Variants in SPTBN1 observed in about 807,000 individuals in gnomAD.
SPTBN1 encodes the protein spectrin beta, non-erythrocytic 1.
A neutral mutation model predicts 266.4 loss-of-function variants in SPTBN1; 32 were observed. The observed-to-expected ratio is 0.12, with a 90% CI of 0.09 to 0.16. The LOEUF (loss-of-function observed/expected upper bound fraction) is 0.16. SPTBN1 is among the 10% of genes least tolerant of loss of function. SPTBN1 has a pLI of 1.00. For synonymous variants in SPTBN1, 1,336 were observed against 1,162.2 expected (o/e 1.15, Z -3.04); for missense variants, 2,296 against 3,067.1 (o/e 0.75, Z 5.94).
At chr2:54,528,582 T>C (rs1452915448) in intron 2 of SPTBN1, 3 of 152,238 alleles carry the variant, frequency 2.0e-5, no homozygotes, top group Non-Finnish European at 4.4e-5. Context: ...CTACATTGTA[T>C]AGATGATAAA....
chr2:54,497,428 A>T (rs1669026927), intron 1 of SPTBN1, among the ~76,000 whole-genome samples: 1 of 151,802 alleles, frequency 6.6e-6, no homozygotes. Context: ...TTTGAGACTC[A>T]CTCTAACCAC....
intron 27 of SPTBN1, 80 bp from the exon 28 acceptor site, chr2:54,654,990 A>G (rs945763997): frequency 2.1e-5 from 32 of 1,493,078 alleles, no homozygotes; most frequent in Non-Finnish European, 1.9e-5. Context: ...GTTTCTTTCA[A>G]ATTAATTGTG....
At chr2:54,457,513 G>A (rs1693120460) in intron 1 of SPTBN1, among the ~76,000 whole-genome samples, 1 of 152,232 alleles carries the variant, frequency 6.6e-6, no homozygotes, top group South Asian at 2.1e-4. Flanking sequence ...GTGCGTGTGG[G>A]GGTGCTTCGG....
chr2:54,592,585 A>T (rs950981741), intron 2 of SPTBN1, among the ~76,000 whole-genome samples: 5 of 152,152 alleles, frequency 3.3e-5, no homozygotes, highest in African/African-American at 1.2e-4. Context: ...GGGTTTCTCC[A>T]TGTTAGTCAG....
intron 2 of SPTBN1, among the ~76,000 whole-genome samples, chr2:54,585,857 A>G (rs1338243875): frequency 6.6e-6 from 1 of 152,234 alleles, no homozygotes; most frequent in Non-Finnish European, 1.5e-5. Context: ...TCTGCCTGGA[A>G]TAATTTTTCA....
chr2:54,615,458 C>T (rs377303980), intron 4 of SPTBN1, among the ~76,000 whole-genome samples: 4 of 152,226 alleles, frequency 2.6e-5, no homozygotes, highest in African/African-American at 4.8e-5. Flanking sequence ...TCTAAAATTA[C>T]GTAGCTGGCA....
intron 4 of SPTBN1, 143 bp downstream of exon 4, chr2:54,612,477 G>C: frequency 2.1e-6 from 2 of 971,482 alleles, no homozygotes; most frequent in Non-Finnish European, 2.9e-6. Context: ...GTCATATCCA[G>C]CCCTCAGAAT....
Position 54,608,241 on chromosome 2 carries a change from G to A in SPTBN1, c.301-3920G>A, listed in dbSNP as rs191788482. Among the ~76,000 whole-genome samples the A allele has an allele frequency of 6.6e-4, 101 of 152,292 alleles. 1 individual carries two copies. The highest frequency in any genetic ancestry group is 2.0e-3 in the African/African-American group (82 of 41,548). On this transcript the variant is annotated intron_variant, in intron 3 of 35. Coordinates refer to ENST00000356805, the MANE Select transcript of SPTBN1 (RefSeq NM_003128.3). ...AGCCTCATCCTTGCTCTTAGGAAGC[G>A]AACAGTCTAGTTGGAAGTAATAAGA...
intron 2 of SPTBN1, among the ~76,000 whole-genome samples, chr2:54,570,837 G>A (rs150570362): frequency 9.9e-5 from 15 of 152,130 alleles, no homozygotes; most frequent in African/African-American, 2.2e-4. Flanking sequence ...AAAGTTTACC[G>A]TGTCTTTGAA....
chr2:54,646,277 C>T lies in SPTBN1; in HGVS notation c.4668C>T (p.Ser1556=). ...ERSQNIVTDS[S]SLSAEAIRQR... is the part of the protein sequence containing the mutation. ...GCCAAAACATCGTCACTGACAGCAGCAGCCTCAGCGCTGAGGCCATCAGAC... is the reference window on the plus strand; with the variant it reads ...GCCAAAACATCGTCACTGACAGCAGTAGCCTCAGCGCTGAGGCCATCAGAC... The change falls in exon 23 of 36, where the codon AGC becomes AGT. Residue 1556 remains serine, a synonymous_variant. Coordinates refer to ENST00000356805, the MANE Select transcript of SPTBN1 (RefSeq NM_003128.3). This position sits in a 1 kb window ranked among gnomAD's most constrained non-coding sequence, Gnocchi z 4.4. 6.2e-7 allele frequency: 1 copy of T among 1,614,216 alleles called. No individual in the cohort carries two copies. Among genetic ancestry groups the T allele is most frequent in the Non-Finnish European group, 8.5e-7 (1 of 1,180,032 alleles).
At chr2:54,513,031 A>G (rs1360401804) in intron 1 of SPTBN1, among the ~76,000 whole-genome samples, 1 of 152,178 alleles carries the variant, frequency 6.6e-6, no homozygotes, top group Non-Finnish European at 1.5e-5. Flanking sequence ...GGCTCTACAG[A>G]AGATACAAAA....
At chr2:54,467,673 C>T (rs1258914712) in intron 1 of SPTBN1, among the ~76,000 whole-genome samples, 1 of 152,148 alleles carries the variant, frequency 6.6e-6, no homozygotes, top group East Asian at 1.9e-4. Flanking sequence ...GCGTGAGCCA[C>T]CGCGCCTGGC....
intron 1 of SPTBN1, among the ~76,000 whole-genome samples, chr2:54,497,974 C>G (rs559413325): frequency 2.4e-4 from 37 of 152,258 alleles, no homozygotes; most frequent in South Asian, 8.3e-4. Context: ...AGGAAAAAAA[C>G]AAGCCCTCCA....
In SPTBN1 at chr2:54,668,477, A is replaced by C. The variant is rs1294918151; in HGVS notation, c.7003A>C (p.Thr2335Pro). 1 of 1,614,206 alleles carries C rather than the reference A, an allele frequency of 6.2e-7. No homozygotes were observed. Among genetic ancestry groups the C allele is most frequent in the African/African-American group, 1.3e-5 (1 of 75,046 alleles). Residue 2335 changes from threonine to proline, a missense_variant, in exon 36 of 36, where the codon ACC becomes CCC. Thr to Pro is a conservative substitution (Grantham distance 38, BLOSUM62 -1). Coordinates refer to ENST00000356805, the MANE Select transcript of SPTBN1 (RefSeq NM_003128.3). ...GCAGACCCTCCCCACCAGCGTCGTC[A>C]CCATCACCAGCGAGTCCAGTCCCGG... Reference protein sequence around the residue: ...RAQTLPTSVVTITSESSPGKR... With the variant: ...RAQTLPTSVVPITSESSPGKR...
Position 54,613,038 on chromosome 2 carries a change from C to T in SPTBN1, c.474+704C>T, listed in dbSNP as rs990434952. On this transcript the variant is annotated intron_variant, in intron 4 of 35. Coordinates refer to ENST00000356805, the MANE Select transcript of SPTBN1 (RefSeq NM_003128.3). ...AAATTTGAAACCTTGCCTCTGATGACACAGCCAGCCAGGGCTATAGTGGGT... is the reference window on the plus strand; with the variant it reads ...AAATTTGAAACCTTGCCTCTGATGATACAGCCAGCCAGGGCTATAGTGGGT... 2.0e-5 allele frequency among the ~76,000 whole-genome samples: 3 copies of T among 152,324 alleles called. No homozygotes were observed. In the East Asian group the frequency reaches 5.8e-4, roughly 29 times the overall value.
rs762785445 is a variant in SPTBN1, at chr2:54,525,494, A to G, written c.-47-878A>G. Among the ~76,000 whole-genome samples, 21 of 152,312 alleles carry G rather than the reference A, an allele frequency of 1.4e-4. No individual in the cohort carries two copies. In the East Asian group the frequency reaches 3.5e-3, roughly 25 times the overall value. ...GGTGATCCGCCCGCCTCAGCCTCCC[A>G]AAGTGCTGGGATTAGAGGCGTGAGT... On this transcript the variant is annotated intron_variant, in intron 1 of 35. Transcript: ENST00000356805.
chr2:54,582,642 C>T (rs1012297123), intron 2 of SPTBN1, among the ~76,000 whole-genome samples: 4 of 151,536 alleles, frequency 2.6e-5, no homozygotes, highest in African/African-American at 2.4e-5. Flanking sequence ...ACTCCCATTT[C>T]GGAATTATCA....
intron 1 of SPTBN1, among the ~76,000 whole-genome samples, chr2:54,491,166 T>C (rs554413201): frequency 6.6e-6 from 1 of 152,218 alleles, no homozygotes; most frequent in Non-Finnish European, 1.5e-5. Context: ...GGTTAGACTT[T>C]GTAAATTTTG....
intron 1 of SPTBN1, among the ~76,000 whole-genome samples, chr2:54,495,930 A>G (rs933112058): frequency 6.6e-6 from 1 of 152,158 alleles, no homozygotes; most frequent in Non-Finnish European, 1.5e-5. Context: ...TTCTTAATTC[A>G]TATTAAAGAA....
Sources: allele counts gnomAD v4.1 joint callset (sites outside exome capture counted in the v4.1 genomes callset), GRCh38; gene constraint gnomAD v4.1.1; non-coding constraint Gnocchi (gnomAD v3.1); transcripts MANE v1.5; gene names NCBI Gene and HGNC (gene_info 2026-07-23, HGNC 2026-07-21).